Variants in BMPR1B observed in about 807,000 individuals in gnomAD.
BMPR1B encodes bone morphogenetic protein receptor type-1B.
BMPR1B carries 12 observed loss-of-function variants against 59.1 expected under a neutral mutation model. That is an observed-to-expected ratio of 0.20 (90% CI 0.13 to 0.33). The LOEUF (loss-of-function observed/expected upper bound fraction) is 0.33, where lower values mean the gene tolerates loss of function less well. Ranked by LOEUF, BMPR1B falls within the 10% of genes least tolerant of loss-of-function variation. The pLI is 1.00. For missense variants in BMPR1B, 550 were observed against 610.9 expected (o/e 0.90, Z 1.05); for synonymous variants, 237 against 207.3 (o/e 1.14, Z -1.23).
chr4:94,770,888 CAAAAAAAA>C (rs11292596), intron 1 of BMPR1B, among the ~76,000 whole-genome samples: 1 of 88,268 alleles, frequency 1.1e-5, no homozygotes, highest in Non-Finnish European at 2.3e-5. Flanking sequence ...ATTAGCCCTG[CAAAAAAAA>C]AAAAAAAAAA....
chr4:94,830,895 A>C (rs79708133), intron 1 of BMPR1B, among the ~76,000 whole-genome samples: 1 of 152,236 alleles, frequency 6.6e-6, no homozygotes, highest in African/African-American at 2.4e-5. Context: ...CACAATGACA[A>C]TTATGTACAG....
At chr4:95,013,454 T>C in intron 3 of BMPR1B, among the ~76,000 whole-genome samples, 1 of 152,118 alleles carries the variant, frequency 6.6e-6, no homozygotes, top group East Asian at 1.9e-4. Context: ...GCTCACCCCA[T>C]GCAGAGATGC....
intron 1 of BMPR1B, among the ~76,000 whole-genome samples, chr4:94,816,420 T>A (rs775933460): frequency 6.6e-6 from 1 of 152,152 alleles, no homozygotes; most frequent in Non-Finnish European, 1.5e-5. Context: ...CCCTTGGGCC[T>A]TGCAAAGTGC....
intron 3 of BMPR1B, among the ~76,000 whole-genome samples, chr4:95,065,144 A>G (rs1411549170): frequency 5.3e-5 from 8 of 152,212 alleles, no homozygotes; most frequent in Admixed American, 3.9e-4. Context: ...GTATATCTAT[A>G]TAATAGAATG....
chr4:95,010,961 CTG>C (rs779669172), intron 3 of BMPR1B, among the ~76,000 whole-genome samples: 8 of 152,178 alleles, frequency 5.3e-5, no homozygotes, highest in East Asian at 1.9e-4. Context: ...AGTAAAGAAA[CTG>C]TAAATAATTG....
intron 1 of BMPR1B, among the ~76,000 whole-genome samples, chr4:94,842,324 C>A (rs531544372): frequency 6.6e-6 from 1 of 152,044 alleles, no homozygotes; most frequent in Admixed American, 6.6e-5. Context: ...TCTTAACGTA[C>A]TGGAGTTTTT....
chr4:94,773,608 C>T (rs543814085), intron 1 of BMPR1B, among the ~76,000 whole-genome samples: 50 of 152,086 alleles, frequency 3.3e-4, no homozygotes, highest in Admixed American at 9.2e-4. Flanking sequence ...GTTGTTGAAA[C>T]GATTTTGTTC....
rs139192480 is a variant in BMPR1B at position 94,918,106 on chromosome 4, A to G, written c.-113+42206A>G. 5.1e-3 allele frequency among the ~76,000 whole-genome samples: 775 copies of G among 152,306 alleles called. 9 individuals are homozygous for G. Among genetic ancestry groups the G allele is most frequent in the African/African-American group, 0.018 (744 of 41,568 alleles). Reference sequence around the variant, plus strand: ...AGAGCATGGGTCTTGTACAGCTGGCAGAACTATGAGCCAGTTAAATCTCTT... The same window carrying G: ...AGAGCATGGGTCTTGTACAGCTGGCGGAACTATGAGCCAGTTAAATCTCTT... On this transcript the variant is annotated intron_variant, in intron 2 of 12. Transcript: ENST00000515059.
intron 2 of BMPR1B, among the ~76,000 whole-genome samples, chr4:94,892,097 CT>C (rs755914828): frequency 3.9e-5 from 6 of 152,010 alleles, no homozygotes; most frequent in Non-Finnish European, 8.8e-5. Context: ...CTCGTAATTG[CT>C]CGTAGTTTTT....
intron 4 of BMPR1B, 94 bp downstream of exon 4, chr4:95,104,661 T>G (rs1731075303): frequency 6.8e-7 from 1 of 1,462,672 alleles, no homozygotes; most frequent in South Asian, 1.1e-5. Flanking sequence ...GAACACATTT[T>G]AGAGAACAAT....
In BMPR1B at chr4:94,862,968, T is replaced by A. The variant is rs111849341; in HGVS notation, c.-182-12863T>A. On this transcript the variant is annotated intron_variant, in intron 1 of 12. Transcript: ENST00000515059. ...TCAAAAAAAAAAAAAAAAAAAAAAA[T>A]TTAGCTGGGCATGGTGGTGGGCGCC... Among the ~76,000 whole-genome samples the A allele has an allele frequency of 1.8e-3, 207 of 112,780 alleles. 2 individuals are homozygous for A. Among genetic ancestry groups the A allele is most frequent in the African/African-American group, 7.3e-3 (160 of 21,784 alleles). The allele number at this position is 112,780 out of a possible 152,430, so 74.0% of individuals were successfully genotyped here.
intron 1 of BMPR1B, among the ~76,000 whole-genome samples, chr4:94,762,622 C>G (rs1721822175): frequency 6.6e-6 from 1 of 152,110 alleles, no homozygotes; most frequent in African/African-American, 2.4e-5. Context: ...GTATTTTATT[C>G]AAAGTACATT....
intron 2 of BMPR1B, among the ~76,000 whole-genome samples, chr4:94,887,886 A>G (rs996820619): frequency 3.3e-5 from 5 of 152,112 alleles, no homozygotes; most frequent in Middle Eastern, 3.2e-3. Flanking sequence ...CGGAATCCCT[A>G]TATATTGAAA....
chr4:94,780,402 A>G (rs1043378874), intron 1 of BMPR1B, among the ~76,000 whole-genome samples: 1 of 152,176 alleles, frequency 6.6e-6, no homozygotes, highest in East Asian at 1.9e-4. Flanking sequence ...GATAGACTAT[A>G]TATTTATACA....
intron 3 of BMPR1B, among the ~76,000 whole-genome samples, chr4:95,030,658 A>C (rs868706752): frequency 1.1e-4 from 17 of 152,142 alleles, no homozygotes; most frequent in Admixed American, 8.5e-4. Context: ...AGCTGATAAG[A>C]AACTTCAGCA....
At chr4:95,130,180 A>G in intron 9 of BMPR1B, 126 bp downstream of exon 9, 1 of 1,142,388 alleles carries the variant, frequency 8.8e-7, no homozygotes, top group Non-Finnish European at 1.3e-6. Flanking sequence ...TCTTCTTGGC[A>G]TGGGCCCAAG....
At chr4:94,901,648 A>C (rs1321986515) in intron 2 of BMPR1B, among the ~76,000 whole-genome samples, 1 of 152,000 alleles carries the variant, frequency 6.6e-6, no homozygotes, top group Non-Finnish European at 1.5e-5. Flanking sequence ...CAACAATGAA[A>C]TATCCCTTTA....
rs139229473 is a variant in BMPR1B at position 94,920,175 on chromosome 4, G to A, written c.-113+44275G>A. Among the ~76,000 whole-genome samples, 111 of 152,200 alleles carry A rather than the reference G, an allele frequency of 7.3e-4. 1 individual carries two copies. Among genetic ancestry groups the A allele is most frequent in the African/African-American group, 2.5e-3 (102 of 41,528 alleles). On this transcript the variant is annotated intron_variant, in intron 2 of 12. Transcript: ENST00000515059. ...TTGTACTTTTTATACTGGTTATGTG[G>A]CATTTTGACAAATTCTTTTAAATTA...
intron 1 of BMPR1B, among the ~76,000 whole-genome samples, chr4:94,833,212 TG>T (rs1251449580): frequency 7.8e-6 from 1 of 127,550 alleles, no homozygotes; most frequent in African/African-American, 2.9e-5. Flanking sequence ...AAAAAAAAAA[TG>T]CAGGTATAAA....
Sources: gnomAD v4.1 joint callset for allele counts (sites outside exome capture counted in the v4.1 genomes callset) on GRCh38, gnomAD v4.1.1 for gene constraint, MANE v1.5 for transcripts, NCBI Gene and HGNC (gene_info 2026-07-23, HGNC 2026-07-21) for gene names.